NPAS3: variants seen among roughly 807,000 people sequenced by gnomAD.
NPAS3 encodes neuronal PAS domain protein 3.
A neutral mutation model predicts 73.1 loss-of-function variants in NPAS3; 14 were observed. That is an observed-to-expected ratio of 0.19 (90% CI 0.13 to 0.30). The LOEUF (loss-of-function observed/expected upper bound fraction) is 0.30, where lower values mean the gene tolerates loss of function less well. NPAS3 is among the 10% of genes least tolerant of loss of function. The pLI, the probability that NPAS3 is intolerant of heterozygous loss-of-function variation, is 1.00. For synonymous variants in NPAS3, 620 were observed against 541.5 expected (o/e 1.14, Z -2.01); for missense variants, 1,096 against 1,250.0 (o/e 0.88, Z 1.86).
At chr14:33,414,524 C>T (rs184583310) in intron 4 of NPAS3, among the ~76,000 whole-genome samples, 1 of 152,190 alleles carries the variant, frequency 6.6e-6, no homozygotes, top group Admixed American at 6.6e-5. Context: ...GCTCATTACT[C>T]CTATCTTTTG....
At chr14:33,722,102 A>T (rs567291389) in intron 6 of NPAS3, among the ~76,000 whole-genome samples, 1 of 152,344 alleles carries the variant, frequency 6.6e-6, no homozygotes, top group East Asian at 1.9e-4. Context: ...AGTTTTAAAA[A>T]TACTTATTTG....
chr14:33,342,535 G>T (rs1395673070), intron 3 of NPAS3, among the ~76,000 whole-genome samples: 1 of 152,176 alleles, frequency 6.6e-6, no homozygotes, highest in African/African-American at 2.4e-5. Context: ...TTATTTCTCT[G>T]CTCTGCAGCA....
chr14:33,403,557 T>C (rs1027634199), intron 4 of NPAS3, among the ~76,000 whole-genome samples: 4 of 152,122 alleles, frequency 2.6e-5, no homozygotes, highest in African/African-American at 9.7e-5. Context: ...AGTTTACATG[T>C]GGGGTTGGTC....
At chr14:33,484,529 A>G (rs2139745125) in intron 4 of NPAS3, among the ~76,000 whole-genome samples, 1 of 152,304 alleles carries the variant, frequency 6.6e-6, no homozygotes, top group Admixed American at 6.5e-5. Context: ...GGACTGTCAG[A>G]ATAATAACAC....
chr14:33,379,178 G>T (rs992771822), intron 4 of NPAS3, among the ~76,000 whole-genome samples: 1 of 151,430 alleles, frequency 6.6e-6, no homozygotes, highest in African/African-American at 2.4e-5. Context: ...ATATAATTAT[G>T]TATATGCAAA....
chr14:33,169,786 A>G (rs559552474), intron 2 of NPAS3, among the ~76,000 whole-genome samples: 76 of 152,362 alleles, frequency 5.0e-4, no homozygotes, highest in Middle Eastern at 3.4e-3. Flanking sequence ...ATGAATAGTC[A>G]TAAGCTTTTG....
chr14:33,349,960 T>A (rs1030547478), intron 3 of NPAS3, among the ~76,000 whole-genome samples: 17 of 152,234 alleles, frequency 1.1e-4, no homozygotes, highest in African/African-American at 4.1e-4. Flanking sequence ...CTCCGCGTCC[T>A]CTGGCACATC....
intron 1 of NPAS3, among the ~76,000 whole-genome samples, chr14:32,957,646 A>G (rs1956325654): frequency 1.3e-5 from 2 of 152,144 alleles, no homozygotes; most frequent in Non-Finnish European, 2.9e-5. Context: ...TGCTGGGATT[A>G]CAGGCTTGAG....
intron 6 of NPAS3, among the ~76,000 whole-genome samples, chr14:33,726,486 A>T (rs1340783325): frequency 6.6e-6 from 1 of 152,136 alleles, no homozygotes. Flanking sequence ...GAGCACGGAG[A>T]TGGGCGTGAT....
intron 3 of NPAS3, among the ~76,000 whole-genome samples, chr14:33,255,054 T>C (rs1432465099): frequency 6.6e-6 from 1 of 152,146 alleles, no homozygotes; most frequent in African/African-American, 2.4e-5. Context: ...AAACTTGGAA[T>C]TGGAAACAGG....
chr14:33,236,711 G>T (rs972225028), intron 3 of NPAS3, among the ~76,000 whole-genome samples: 2 of 152,018 alleles, frequency 1.3e-5, no homozygotes, highest in Non-Finnish European at 2.9e-5. Flanking sequence ...GTCTGGCTTC[G>T]ACATTTTAGT....
chr14:33,394,566 A>G (rs1595836), intron 4 of NPAS3, among the ~76,000 whole-genome samples: 63,760 of 151,936 alleles, frequency 0.42, 14,599 homozygotes, highest in African/African-American at 0.61. Flanking sequence ...GATTGTTAAT[A>G]GCTAGAACTT....
At chr14:33,025,115 G>T (rs61974880) in intron 1 of NPAS3, among the ~76,000 whole-genome samples, 294 of 152,220 alleles carry the variant, frequency 1.9e-3, no homozygotes, top group Non-Finnish European at 2.7e-3. Flanking sequence ...AGAGGGAGAG[G>T]ACAGAGGAGG....
At chr14:33,200,953 T>C (rs2046590777) in intron 2 of NPAS3, among the ~76,000 whole-genome samples, 1 of 152,204 alleles carries the variant, frequency 6.6e-6, no homozygotes. Context: ...ATTTGAGTTT[T>C]TGTGACCCTT....
chr14:33,685,201 G>C (rs909205904), intron 6 of NPAS3, among the ~76,000 whole-genome samples: 1 of 152,108 alleles, frequency 6.6e-6, no homozygotes, highest in African/African-American at 2.4e-5. Flanking sequence ...CACATGAGGG[G>C]GACAGATGAG....
At chr14:33,353,146 A>G (rs1434517978) in intron 3 of NPAS3, among the ~76,000 whole-genome samples, 1 of 128,320 alleles carries the variant, frequency 7.8e-6, no homozygotes, top group Non-Finnish European at 1.6e-5. Context: ...GATGGAGGCA[A>G]TGGCTTCTGT....
intron 3 of NPAS3, among the ~76,000 whole-genome samples, chr14:33,308,529 C>CAT (rs1279424677): frequency 8.6e-6 from 1 of 116,436 alleles, no homozygotes; most frequent in African/African-American, 3.7e-5. Context: ...TATATATATA[C>CAT]ATACACACAC....
intron 9 of NPAS3, 94 bp downstream of exon 9, chr14:33,778,666 C>A: frequency 1.3e-6 from 1 of 795,792 alleles, no homozygotes; most frequent in Non-Finnish European, 2.2e-6. Flanking sequence ...CTTCATCTTT[C>A]CTGTGTACAT....
intron 7 of NPAS3, among the ~76,000 whole-genome samples, chr14:33,753,641 A>G (rs1240927791): frequency 1.3e-5 from 2 of 152,198 alleles, no homozygotes; most frequent in Non-Finnish European, 2.9e-5. Context: ...TGCAGCCAAT[A>G]CCCTACAAAG....
Sources: gnomAD v4.1 joint callset for allele counts (sites outside exome capture counted in the v4.1 genomes callset) on GRCh38, gnomAD v4.1.1 for gene constraint, MANE v1.5 for transcripts, NCBI Gene and HGNC (gene_info 2026-07-23, HGNC 2026-07-21) for gene names.